ARHGAP42: variants seen among roughly 807,000 people sequenced by gnomAD.
ARHGAP42 encodes Rho GTPase activating protein 42.
Under a neutral mutation model 125.0 loss-of-function variants are expected in ARHGAP42, and 63 were observed. That is an observed-to-expected ratio of 0.50 (90% CI 0.41 to 0.62). The LOEUF is 0.62. Among genes scored for constraint, ARHGAP42 ranks in the 20% least tolerant of loss-of-function variants. ARHGAP42 has a pLI of 0.00. For synonymous variants in ARHGAP42, 339 were observed against 351.0 expected (o/e 0.97, Z 0.38); for missense variants, 766 against 1,024.2 (o/e 0.75, Z 3.44).
chr11:100,731,350 G>A (rs1262043504), intron 1 of ARHGAP42, among the ~76,000 whole-genome samples: 1 of 151,950 alleles, frequency 6.6e-6, no homozygotes, highest in Non-Finnish European at 1.5e-5. Context: ...GTAGAGACGG[G>A]GTTTCACCAT....
At chr11:100,938,213 C>G (rs1867786485) in intron 8 of ARHGAP42, among the ~76,000 whole-genome samples, 1 of 152,102 alleles carries the variant, frequency 6.6e-6, no homozygotes, top group South Asian at 2.1e-4. Flanking sequence ...TTCTCTCCAT[C>G]TCAACTGCCT....
chr11:100,739,279 ATT>A (rs555610031), intron 1 of ARHGAP42, among the ~76,000 whole-genome samples: 2 of 146,490 alleles, frequency 1.4e-5, no homozygotes, highest in East Asian at 2.0e-4. Flanking sequence ...ATACTCTTGG[ATT>A]TTTTTTTTTT....
At chr11:100,710,153 T>G (rs1166147247) in intron 1 of ARHGAP42, among the ~76,000 whole-genome samples, 1 of 152,242 alleles carries the variant, frequency 6.6e-6, no homozygotes, top group African/African-American at 2.4e-5. Context: ...TTTGGGGTTC[T>G]AAATTATTAA....
In ARHGAP42 at chr11:100,859,551, C is replaced by T; in HGVS notation, c.313-3C>T. On this transcript the variant is annotated splice_region_variant and splice_polypyrimidine_tract_variant and intron_variant, in intron 3 of 23. Coordinates refer to ENST00000298815, the MANE Select transcript of ARHGAP42 (RefSeq NM_152432.4). ...TTTAATATATGTGCATTTTTTATTT[C>T]AGATCCAAAACGCTAACGATGTATT... 1 of 1,524,240 alleles carries T rather than the reference C, an allele frequency of 6.6e-7. No individual in the cohort carries two copies. Among genetic ancestry groups the T allele is most frequent in the East Asian group, 2.6e-5 (1 of 39,206 alleles). 94.4% of individuals were successfully genotyped at this position (1,524,240 alleles called of 1,614,324 possible).
At chr11:100,751,277 GTGTTT>G (rs1192477087) in intron 1 of ARHGAP42, among the ~76,000 whole-genome samples, 9 of 121,620 alleles carry the variant, frequency 7.4e-5, no homozygotes, top group Admixed American at 5.1e-4. Flanking sequence ...GTGTGTGTGT[GTGTTT>G]TTTTTTTTTT....
At chr11:100,697,164 C>CT (rs953106757) in intron 1 of ARHGAP42, among the ~76,000 whole-genome samples, 4 of 150,514 alleles carry the variant, frequency 2.7e-5, no homozygotes, top group Middle Eastern at 3.2e-3. Flanking sequence ...GGTGGAATTT[C>CT]TTTTTTTGTT....
chr11:100,777,733 T>TA (rs536572595), intron 2 of ARHGAP42, among the ~76,000 whole-genome samples: 12 of 152,018 alleles, frequency 7.9e-5, no homozygotes, highest in South Asian at 2.1e-4. Flanking sequence ...TAATTTTTCT[T>TA]AAAAAAAAGA....
intron 3 of ARHGAP42, among the ~76,000 whole-genome samples, chr11:100,826,099 C>T (rs1396951764): frequency 1.3e-5 from 2 of 152,016 alleles, no homozygotes; most frequent in Admixed American, 1.3e-4. Context: ...TCCTTCCTTT[C>T]CCCACACCTC....
chr11:100,863,631 A>G (rs1031866708), intron 4 of ARHGAP42, among the ~76,000 whole-genome samples: 1 of 152,206 alleles, frequency 6.6e-6, no homozygotes, highest in East Asian at 1.9e-4. Flanking sequence ...GGGTTGTTGA[A>G]CTGAAGGACA....
chr11:100,792,246 T>C (rs1244002892), intron 2 of ARHGAP42, among the ~76,000 whole-genome samples: 2 of 152,242 alleles, frequency 1.3e-5, no homozygotes, highest in Non-Finnish European at 2.9e-5. Flanking sequence ...TTTAGCCCTT[T>C]GGGAAATTTA....
chr11:100,798,418 C>G (rs1591189222), intron 3 of ARHGAP42, among the ~76,000 whole-genome samples: 1 of 152,326 alleles, frequency 6.6e-6, no homozygotes, highest in Non-Finnish European at 1.5e-5. Context: ...AACCACCACC[C>G]TGATCAGTTA....
chr11:100,728,713 CGTATATATATATAT>C lies in ARHGAP42; in HGVS notation c.154+40882_154+40895del, dbSNP rs1251038646. ...AAGTGAAATTATATGAATGACTTTG[CGTATATATATATAT>C]ATATATATATATATATATATATATA... On this transcript the variant is annotated intron_variant, in intron 1 of 23. Transcript: ENST00000298815. Among the ~76,000 whole-genome samples, 380 of 95,304 alleles carry C rather than the reference CGTATATATATATAT, an allele frequency of 4.0e-3. 5 individuals carry two copies. Among genetic ancestry groups the C allele is most frequent in the Middle Eastern group, 0.023 (4 of 176 alleles). 62.5% of individuals were successfully genotyped at this position (95,304 alleles called of 152,430 possible).
chr11:100,936,421 G>T, intron 8 of ARHGAP42, 89 bp downstream of exon 8: 1 of 1,480,986 alleles, frequency 6.8e-7, no homozygotes, highest in Non-Finnish European at 9.1e-7. Flanking sequence ...CTTCAAGTAG[G>T]AGGACTGAAA....
intron 22 of ARHGAP42, among the ~76,000 whole-genome samples, chr11:100,981,835 A>G (rs1858552524): frequency 6.6e-6 from 1 of 152,150 alleles, no homozygotes; most frequent in Non-Finnish European, 1.5e-5. Context: ...AGAGACAGGA[A>G]AAGAAGTTTC....
At chr11:100,735,592 T>G (rs1862049252) in intron 1 of ARHGAP42, among the ~76,000 whole-genome samples, 1 of 149,174 alleles carries the variant, frequency 6.7e-6, no homozygotes, top group Non-Finnish European at 1.5e-5. Flanking sequence ...TTGACAATAT[T>G]TTACTTGTAC....
chr11:100,711,818 G>A (rs1323847228), intron 1 of ARHGAP42, among the ~76,000 whole-genome samples: 1 of 152,210 alleles, frequency 6.6e-6, no homozygotes, highest in Non-Finnish European at 1.5e-5. Context: ...ACAGCTGTTA[G>A]CCTATGAGAA....
intron 4 of ARHGAP42, among the ~76,000 whole-genome samples, chr11:100,860,155 A>G (rs1412321114): frequency 1.3e-5 from 2 of 152,102 alleles, no homozygotes; most frequent in African/African-American, 4.8e-5. Flanking sequence ...TATTTTAACC[A>G]CTTGTGCAAC....
Position 100,843,336 on chromosome 11 carries a change from C to CA in ARHGAP42, c.313-16209dup, listed in dbSNP as rs545754052. 1.1e-3 allele frequency among the ~76,000 whole-genome samples: 166 copies of CA among 150,456 alleles called. No individual in the cohort carries two copies. The South Asian group carries it at 0.013, about 12-fold the overall frequency. On this transcript the variant is annotated intron_variant, in intron 3 of 23. Transcript: ENST00000298815. Reference sequence around the variant, plus strand: ...GAAATGGTAATAAAAAAATTACCAACAAAAAAAAAGTCCAGGAACAGATGG... The same window carrying CA: ...GAAATGGTAATAAAAAAATTACCAACAAAAAAAAAAGTCCAGGAACAGATGG...
chr11:100,712,437 G>GA (rs1456472512), intron 1 of ARHGAP42, among the ~76,000 whole-genome samples: 1 of 152,058 alleles, frequency 6.6e-6, no homozygotes, highest in East Asian at 1.9e-4. Context: ...AATTGCCTGT[G>GA]AAAAAAATTA....
Sources: gnomAD v4.1 joint callset for allele counts (sites outside exome capture counted in the v4.1 genomes callset) on GRCh38, gnomAD v4.1.1 for gene constraint, MANE v1.5 for transcripts, NCBI Gene and HGNC (gene_info 2026-07-23, HGNC 2026-07-21) for gene names.